The following KALRN variants were observed in gnomAD, a reference collection of about 807,000 sequenced individuals.
The protein encoded by KALRN is kalirin.
In KALRN, 70 loss-of-function variants were observed where a neutral mutation model predicts 353.7. The observed-to-expected ratio is 0.20, with a 90% CI of 0.16 to 0.24. The LOEUF is 0.24. Ranked by LOEUF, KALRN falls within the 10% of genes least tolerant of loss-of-function variation. The pLI is 1.00. For missense variants in KALRN, 2,791 were observed against 3,756.7 expected (o/e 0.74, Z 6.72); for synonymous variants, 1,391 against 1,434.8 (o/e 0.97, Z 0.69).
chr3:124,218,058 AGGGTCCTCTGCCCTAAACTCTGT>A (rs1469282956), intron 1 of KALRN, among the ~76,000 whole-genome samples: 1 of 152,142 alleles, frequency 6.6e-6, no homozygotes, highest in Admixed American at 6.5e-5. Flanking sequence ...GCTGCCTGTG[AGGGTCCTCTGCCCTAAACTCTGT>A]GGTCAGCCAT....
chr3:124,366,212 A>G (rs1437396271), intron 10 of KALRN, among the ~76,000 whole-genome samples: 1 of 150,016 alleles, frequency 6.7e-6, no homozygotes, highest in East Asian at 2.0e-4. Context: ...TTTTTTTTTA[A>G]TTTATTTTTT....
intron 34 of KALRN, among the ~76,000 whole-genome samples, chr3:124,601,335 A>T (rs1397163655): frequency 6.6e-6 from 1 of 152,246 alleles, no homozygotes; most frequent in Non-Finnish European, 1.5e-5. Flanking sequence ...CTTATAGGGT[A>T]ATAGCTTTAA....
chr3:124,246,625 G>A (rs764289946), intron 3 of KALRN, among the ~76,000 whole-genome samples: 1 of 152,124 alleles, frequency 6.6e-6, no homozygotes, highest in African/African-American at 2.4e-5. Flanking sequence ...GCCTTTCTGG[G>A]CAGCAATGTT....
chr3:124,664,599 T>C (rs1020663788), intron 45 of KALRN, among the ~76,000 whole-genome samples: 1 of 152,082 alleles, frequency 6.6e-6, no homozygotes, highest in Non-Finnish European at 1.5e-5. Flanking sequence ...TTAATATAGA[T>C]GGGGTTTTAC....
intron 33 of KALRN, among the ~76,000 whole-genome samples, chr3:124,537,383 A>G (rs1219969376): frequency 6.6e-6 from 1 of 152,206 alleles, no homozygotes; most frequent in Non-Finnish European, 1.5e-5. Context: ...AATCCAGTGA[A>G]AGGTACAGGA....
At chr3:124,219,503 T>G (rs796784227) in intron 1 of KALRN, among the ~76,000 whole-genome samples, 52 of 152,354 alleles carry the variant, frequency 3.4e-4, no homozygotes, top group African/African-American at 1.3e-3. Context: ...AGTCCCTGGT[T>G]GTTGTCTCAG....
chr3:124,423,730 A>G (rs2092891517), intron 15 of KALRN, among the ~76,000 whole-genome samples: 1 of 152,134 alleles, frequency 6.6e-6, no homozygotes, highest in South Asian at 2.1e-4. Context: ...TATTAGCTGA[A>G]TGTGGTGGCA....
At chr3:124,275,174 A>T (rs2074574445) in intron 5 of KALRN, among the ~76,000 whole-genome samples, 1 of 152,248 alleles carries the variant, frequency 6.6e-6, no homozygotes, top group Non-Finnish European at 1.5e-5. Flanking sequence ...GGCCACGGTC[A>T]TGGTGGTGGT....
intron 1 of KALRN, among the ~76,000 whole-genome samples, chr3:124,084,747 G>A (rs1215813782): frequency 6.6e-6 from 1 of 152,170 alleles, no homozygotes; most frequent in Non-Finnish European, 1.5e-5. Context: ...AATTAACAGG[G>A]CACTTGGAGG....
At chr3:124,072,422 A>G (rs772539889) in intron 1 of KALRN, among the ~76,000 whole-genome samples, 55 of 152,208 alleles carry the variant, frequency 3.6e-4, no homozygotes, top group Non-Finnish European at 5.6e-4. Flanking sequence ...AATCAATGCC[A>G]TTGATGAGGT....
In KALRN at chr3:124,434,348, T is replaced by G; in HGVS notation, c.2871T>G (p.Ser957Arg). 6.2e-7 allele frequency: 1 copy of G among 1,613,350 alleles called. No individual in the cohort carries two copies. The highest frequency in any genetic ancestry group is 1.7e-5 in the Admixed American group (1 of 60,020). ...HATSLQKTHQ[S>R]ALQVQQKAEV... ...CTTCCTTGCAGAAGACGCACCAGAG[T>G]GCCCTGCAGGTACAGCAGAAAGCCG... Residue 957 changes from serine to arginine, a missense_variant, in exon 17 of 60, where the codon AGT becomes AGG. Physicochemically the swap from Ser to Arg is moderately radical, Grantham distance 110 (BLOSUM62 -1). This residue lies in a region of KALRN where 452 missense variants were observed against 575.8 expected (regional missense o/e 0.78). Coordinates refer to ENST00000682506, the MANE Select transcript of KALRN (RefSeq NM_001388419.1).
chr3:124,215,789 AG>A (rs1380487103), intron 1 of KALRN, among the ~76,000 whole-genome samples: 21 of 152,174 alleles, frequency 1.4e-4, no homozygotes, highest in African/African-American at 5.1e-4. Context: ...CTTAAGTAGA[AG>A]ACAGCATGAT....
At position 124,189,938 on chromosome 3, in the gene KALRN, A is replaced by C. The variant is rs200859192; in HGVS notation, c.74-38052A>C. ...TGGCAACAGAGCAAGACTCTGTCAA[A>C]AAAAAAAAAAAAAAAGCAACATAGA... is the stretch of plus-strand genomic sequence containing the variant. On this transcript the variant is annotated intron_variant, in intron 1 of 59. Transcript: ENST00000682506. Among the ~76,000 whole-genome samples the C allele has an allele frequency of 6.8e-4, 103 of 150,772 alleles. 4 individuals are homozygous for C. In the East Asian group the frequency reaches 0.02, roughly 29 times the overall value.
At chr3:124,418,912 G>A (rs1313613073) in intron 14 of KALRN, among the ~76,000 whole-genome samples, 1 of 152,044 alleles carries the variant, frequency 6.6e-6, no homozygotes, top group African/African-American at 2.4e-5. Flanking sequence ...ATATTGGTCT[G>A]GGGTGTGGTT....
chr3:124,138,894 AG>A (rs2066276813), intron 1 of KALRN, among the ~76,000 whole-genome samples: 1 of 152,176 alleles, frequency 6.6e-6, no homozygotes, highest in East Asian at 1.9e-4. Flanking sequence ...TATTAGTGTG[AG>A]GGAGCCCAAA....
chr3:124,441,082 T>C (rs1393637305), intron 18 of KALRN, among the ~76,000 whole-genome samples: 1 of 152,170 alleles, frequency 6.6e-6, no homozygotes, highest in Non-Finnish European at 1.5e-5. Context: ...AGAATGCTTA[T>C]TAGTGATATT....
chr3:124,637,073 GTC>G, intron 36 of KALRN, 133 bp from the exon 37 acceptor site: 1 of 713,934 alleles, frequency 1.4e-6, no homozygotes, highest in East Asian at 2.6e-5. Context: ...TTCTCCCTCT[GTC>G]ACCTCTTCCG....
chr3:124,666,754 A>G, intron 46 of KALRN, 120 bp downstream of exon 46: 3 of 846,316 alleles, frequency 3.5e-6, no homozygotes, highest in Non-Finnish European at 5.6e-6. Context: ...TCAGCCGAAT[A>G]ACATTCGGTC....
chr3:124,465,592 C>T (rs2060249879), intron 25 of KALRN, among the ~76,000 whole-genome samples: 1 of 152,180 alleles, frequency 6.6e-6, no homozygotes, highest in Non-Finnish European at 1.5e-5. Flanking sequence ...AAGCTTCTTA[C>T]TGGCTGGACC....
Sources: gnomAD v4.1 joint callset for allele counts (sites outside exome capture counted in the v4.1 genomes callset) on GRCh38, gnomAD v4.1.1 for gene constraint, gnomAD v4.1.1 regional missense constraint, MANE v1.5 for transcripts, NCBI Gene and HGNC (gene_info 2026-07-23, HGNC 2026-07-21) for gene names.